SH3D19: variants seen among roughly 807,000 people sequenced by gnomAD.
SH3D19 encodes SH3 domain containing 19.
A neutral mutation model predicts 112.1 loss-of-function variants in SH3D19; 58 were observed. That is an observed-to-expected ratio of 0.52 (90% CI 0.42 to 0.64). The LOEUF is 0.64. Among genes scored for constraint, SH3D19 ranks in the 30% least tolerant of loss-of-function variants. The pLI, the probability that SH3D19 is intolerant of heterozygous loss-of-function variation, is 0.00. For synonymous variants in SH3D19, 391 were observed against 448.5 expected (o/e 0.87, Z 1.62); for missense variants, 1,090 against 1,263.4 (o/e 0.86, Z 2.08).
chr4:151,183,132 C>G (rs1199120396), intron 3 of SH3D19, among the ~76,000 whole-genome samples: 1 of 151,776 alleles, frequency 6.6e-6, no homozygotes, highest in Non-Finnish European at 1.5e-5. Context: ...GCTGGGATTA[C>G]AGGTGCCCAC....
At chr4:151,293,759 C>G (rs1775517830) in intron 1 of SH3D19, among the ~76,000 whole-genome samples, 1 of 152,192 alleles carries the variant, frequency 6.6e-6, no homozygotes, top group African/African-American at 2.4e-5. Context: ...GACAAAATCC[C>G]TTATTGTGGC....
chr4:151,289,295 A>G (rs954012605), intron 1 of SH3D19, among the ~76,000 whole-genome samples: 1 of 152,210 alleles, frequency 6.6e-6, no homozygotes, highest in Non-Finnish European at 1.5e-5. Flanking sequence ...AAAAACATAT[A>G]GGTAGGTCTT....
intron 1 of SH3D19, among the ~76,000 whole-genome samples, chr4:151,306,398 G>T (rs1460733989): frequency 6.6e-6 from 1 of 152,118 alleles, no homozygotes; most frequent in Non-Finnish European, 1.5e-5. Flanking sequence ...TGCCTTCCAG[G>T]ATTGTTAGGA....
chr4:151,127,775 A>C, intron 18 of SH3D19, 60 bp from the exon 19 acceptor site: 1 of 993,952 alleles, frequency 1.0e-6, no homozygotes, highest in Non-Finnish European at 1.4e-6. Context: ...CACAAATCTA[A>C]CATTTTTTAA....
rs372903026 is a variant in SH3D19 at position 151,139,739 on chromosome 4, C to T, written c.2296+36G>A. ...CAGGGAAAAAGACTTACTCCTGGAT[C>T]CTGTGGTTCTCCCACTGCATTATTT... On this transcript the variant is annotated intron_variant, in intron 13 of 19. Transcript: ENST00000604030. 5.8e-5 allele frequency: 92 copies of T among 1,588,758 alleles called. No individual in the cohort carries two copies. The African/African-American group carries it at 9.9e-4, about 17-fold the overall frequency.
chr4:151,142,050 G>A (rs1753098477), intron 12 of SH3D19, among the ~76,000 whole-genome samples: 2 of 152,122 alleles, frequency 1.3e-5, no homozygotes, highest in Admixed American at 1.3e-4. Flanking sequence ...ATACCACTGG[G>A]GTAGGTATCT....
chr4:151,247,788 T>G (rs886649789), intron 1 of SH3D19, among the ~76,000 whole-genome samples: 3 of 152,228 alleles, frequency 2.0e-5, no homozygotes. Context: ...ATGTATTGTA[T>G]ATAATGTGAC....
At chr4:151,229,233 T>C (rs1034244786) in intron 1 of SH3D19, among the ~76,000 whole-genome samples, 2 of 152,162 alleles carry the variant, frequency 1.3e-5, no homozygotes, top group Non-Finnish European at 2.9e-5. Context: ...AAAGGTTTTC[T>C]GAACTTCTGC....
chr4:151,269,974 T>C (rs970213690), intron 1 of SH3D19, among the ~76,000 whole-genome samples: 3 of 152,086 alleles, frequency 2.0e-5, no homozygotes, highest in Non-Finnish European at 4.4e-5. Flanking sequence ...GGCAATAACA[T>C]GTATGGAGCT....
chr4:151,308,811 GT>G (rs1222776061), intron 1 of SH3D19, among the ~76,000 whole-genome samples: 1 of 152,200 alleles, frequency 6.6e-6, no homozygotes, highest in African/African-American at 2.4e-5. Flanking sequence ...TTTGCTATCA[GT>G]TTTTTAGAGT....
intron 8 of SH3D19, among the ~76,000 whole-genome samples, chr4:151,165,359 G>T (rs1011428675): frequency 1.3e-5 from 2 of 151,994 alleles, no homozygotes; most frequent in African/African-American, 4.8e-5. Context: ...GAAAAGGAAG[G>T]GAAGGGAAAG....
intron 2 of SH3D19, among the ~76,000 whole-genome samples, chr4:151,222,715 C>G (rs1235682016): frequency 1.4e-5 from 2 of 141,352 alleles, no homozygotes; most frequent in Non-Finnish European, 3.0e-5. Flanking sequence ...CTCTGTTGCC[C>G]AGACTGGAGC....
At chr4:151,271,589 C>A (rs1773227870) in intron 1 of SH3D19, among the ~76,000 whole-genome samples, 1 of 152,088 alleles carries the variant, frequency 6.6e-6, no homozygotes, top group South Asian at 2.1e-4. Flanking sequence ...AGGCTAGCTA[C>A]CCCACAACAA....
chr4:151,164,929 T>G (rs1757744263), intron 8 of SH3D19, among the ~76,000 whole-genome samples: 1 of 152,210 alleles, frequency 6.6e-6, no homozygotes, highest in Non-Finnish European at 1.5e-5. Context: ...GTTACTGCTC[T>G]TCACCGAATT....
chr4:151,299,244 G>T (rs1208690770), intron 1 of SH3D19, among the ~76,000 whole-genome samples: 1 of 152,190 alleles, frequency 6.6e-6, no homozygotes, highest in Non-Finnish European at 1.5e-5. Flanking sequence ...AAAGAAATCT[G>T]TATCAACACA....
At chr4:151,284,749 T>A (rs534615545) in intron 1 of SH3D19, among the ~76,000 whole-genome samples, 38 of 152,290 alleles carry the variant, frequency 2.5e-4, no homozygotes, top group Non-Finnish European at 5.6e-4. Context: ...GAATGTTGAT[T>A]TCCTGTTTCA....
chr4:151,167,249 T>C (rs1379850456), intron 7 of SH3D19, among the ~76,000 whole-genome samples: 1 of 152,004 alleles, frequency 6.6e-6, no homozygotes, highest in East Asian at 1.9e-4. Flanking sequence ...ACAAAGCTCC[T>C]GTTTTTAGAT....
intron 1 of SH3D19, among the ~76,000 whole-genome samples, chr4:151,255,134 C>G (rs1184187405): frequency 3.3e-5 from 5 of 151,138 alleles, no homozygotes; most frequent in Non-Finnish European, 7.4e-5. Context: ...CTGACCCCCC[C>G]CACCTCCCTC....
intron 1 of SH3D19, among the ~76,000 whole-genome samples, chr4:151,240,082 T>A (rs554735970): frequency 2.0e-5 from 3 of 149,018 alleles, no homozygotes; most frequent in African/African-American, 7.4e-5. Flanking sequence ...TTGGGCAACA[T>A]ACGGAGATCC....
Sources: gnomAD v4.1 joint callset for allele counts (sites outside exome capture counted in the v4.1 genomes callset) on GRCh38, gnomAD v4.1.1 for gene constraint, MANE v1.5 for transcripts, NCBI Gene and HGNC (gene_info 2026-07-23, HGNC 2026-07-21) for gene names.